Variants in CELF2 observed in about 807,000 individuals in gnomAD.
CELF2 encodes the protein CUGBP Elav-like family member 2, also known as CUG triplet repeat RNA-binding protein 2.
In CELF2, 8 loss-of-function variants were observed where a neutral mutation model predicts 62.6. The observed-to-expected ratio is 0.13, with a 90% CI of 0.07 to 0.23. The LOEUF (loss-of-function observed/expected upper bound fraction) is 0.23, where lower values mean the gene tolerates loss of function less well. Among genes scored for constraint, CELF2 ranks in the 10% least tolerant of loss-of-function variants. The probability of loss-of-function intolerance (pLI) is 1.00; values close to 1 mark genes in which losing one functional copy is unlikely to be tolerated. For missense variants in CELF2, 333 were observed against 671.0 expected (o/e 0.50, Z 5.56); for synonymous variants, 258 against 250.0 (o/e 1.03, Z -0.30).
chr10:10,519,063 A>G, the CELF2 span, among the ~76,000 whole-genome samples: 2 of 152,216 alleles, frequency 1.3e-5, no homozygotes, highest in Admixed American at 6.5e-5. Flanking sequence ...TATGAATAAC[A>G]ATCTGAGGAC....
At chr10:10,722,459 G>A in the CELF2 span, among the ~76,000 whole-genome samples, 2 of 152,158 alleles carry the variant, frequency 1.3e-5, no homozygotes, top group Admixed American at 6.5e-5. Context: ...AAATAGCCTT[G>A]TTCCCTAAAA....
chr10:10,701,484 G>C, the CELF2 span, among the ~76,000 whole-genome samples: 1 of 152,236 alleles, frequency 6.6e-6, no homozygotes, highest in African/African-American at 2.4e-5. Context: ...GCAACTGTAA[G>C]TCTTGGTTAC....
In CELF2 at chr10:11,214,190, G is replaced by A. The variant is rs1219700324; in HGVS notation, c.272-3235G>A. ...TCCCAGGTACTCAGGGAAGGGGCAG[G>A]AGAACCACTTGAGCCAAGGAGTTCA... On this transcript the variant is annotated intron_variant, in intron 2 of 12. Transcript: ENST00000633077. The surrounding 1 kb of genome is among the most constrained non-coding windows in gnomAD (Gnocchi z 4.2). Among the ~76,000 whole-genome samples, 1 of 152,156 alleles carries A rather than the reference G, an allele frequency of 6.6e-6. No individual in the cohort carries two copies. Among genetic ancestry groups the A allele is most frequent in the Non-Finnish European group, 1.5e-5 (1 of 68,026 alleles).
At chr10:10,942,279 G>A (rs1367195260) in intron 2 of CELF2, among the ~76,000 whole-genome samples, 1 of 152,190 alleles carries the variant, frequency 6.6e-6, no homozygotes, top group Non-Finnish European at 1.5e-5. Context: ...TCAGGAAATT[G>A]GGCACAGCTT....
At chr10:10,471,102 C>T in the CELF2 span, among the ~76,000 whole-genome samples, 4 of 151,142 alleles carry the variant, frequency 2.6e-5, no homozygotes, top group Non-Finnish European at 4.4e-5. Flanking sequence ...TTAATTTAAT[C>T]GCATTTATCA....
intron 1 of CELF2, among the ~76,000 whole-genome samples, chr10:11,053,592 G>A (rs527951644): frequency 1.0e-4 from 15 of 148,836 alleles, no homozygotes; most frequent in South Asian, 2.1e-4. Flanking sequence ...TTGGGCATTC[G>A]TAGGCATACT....
intron 1 of CELF2, among the ~76,000 whole-genome samples, chr10:11,070,570 T>C (rs2069597014): frequency 6.6e-6 from 1 of 152,170 alleles, no homozygotes; most frequent in African/African-American, 2.4e-5. Flanking sequence ...TTCATCTGCA[T>C]GTAGTTCAGG....
the CELF2 span, among the ~76,000 whole-genome samples, chr10:10,729,713 AG>A: frequency 1.3e-5 from 2 of 152,076 alleles, no homozygotes. Context: ...TGGGAGGCGG[AG>A]GGTGCAGTAA....
chr10:11,181,093 C>T (rs2073211893), intron 2 of CELF2, among the ~76,000 whole-genome samples: 3 of 152,220 alleles, frequency 2.0e-5, no homozygotes, highest in African/African-American at 7.2e-5. Flanking sequence ...TGGTCTCAAA[C>T]TCCTGACCTC....
At chr10:10,775,818 C>T in the CELF2 span, among the ~76,000 whole-genome samples, 4 of 152,268 alleles carry the variant, frequency 2.6e-5, no homozygotes, top group African/African-American at 7.2e-5. Flanking sequence ...TTTCCATGTA[C>T]GTCTGCTTTA....
chr10:10,497,882 T>C, the CELF2 span, among the ~76,000 whole-genome samples: 2 of 152,210 alleles, frequency 1.3e-5, no homozygotes, highest in Non-Finnish European at 2.9e-5. Context: ...CAATTTAACA[T>C]CTTCACTCTG....
intron 3 of CELF2, among the ~76,000 whole-genome samples, chr10:11,239,047 C>T (rs1589627652): frequency 6.6e-6 from 1 of 152,108 alleles, no homozygotes; most frequent in East Asian, 1.9e-4. Context: ...TGCCAAGTTA[C>T]AGATGGGGTT....
chr10:10,948,747 A>G (rs968982980), intron 2 of CELF2, among the ~76,000 whole-genome samples: 3 of 152,120 alleles, frequency 2.0e-5, no homozygotes, highest in Admixed American at 6.5e-5. Flanking sequence ...TCCCTAAGAC[A>G]GGCAGACCCT....
the CELF2 span, among the ~76,000 whole-genome samples, chr10:10,567,254 C>T: frequency 0.12 from 18,415 of 152,162 alleles, 3,141 homozygotes; most frequent in African/African-American, 0.38. Flanking sequence ...ACTAGAGAAT[C>T]GTGTTACACT....
intron 2 of CELF2, among the ~76,000 whole-genome samples, chr10:10,967,981 A>G (rs1004879673): frequency 6.6e-6 from 1 of 152,092 alleles, no homozygotes; most frequent in African/African-American, 2.4e-5. Flanking sequence ...AAAAAATGTA[A>G]GTTATTAAAA....
intron 1 of CELF2, among the ~76,000 whole-genome samples, chr10:10,886,917 G>A (rs2061788606): frequency 6.6e-6 from 1 of 152,310 alleles, no homozygotes; most frequent in South Asian, 2.1e-4. Context: ...GCAAGGGACA[G>A]TCACAGAAAT....
At chr10:11,163,348 A>G (rs567663041) in intron 1 of CELF2, among the ~76,000 whole-genome samples, 2 of 152,270 alleles carry the variant, frequency 1.3e-5, no homozygotes, top group South Asian at 4.1e-4. Context: ...AGCAGTAACC[A>G]CAAGTCTTTC....
rs1593954776 is a variant in CELF2, at chr10:11,046,392, G to T, written c.74+28229G>T. Among the ~76,000 whole-genome samples, 1 of 152,220 alleles carries T rather than the reference G, an allele frequency of 6.6e-6. No homozygotes were observed. Among genetic ancestry groups the T allele is most frequent in the African/African-American group, 2.4e-5 (1 of 41,466 alleles). On this transcript the variant is annotated intron_variant, in intron 1 of 12. Coordinates refer to ENST00000633077, the MANE Select transcript of CELF2 (RefSeq NM_001326342.2). The surrounding 1 kb of genome is among the most constrained non-coding windows in gnomAD (Gnocchi z 4.6). ...CCTAGACGACTTGGCCCAGAGTTGG[G>T]CACAGAGTATGCCCTCAATAAGTAC... is the stretch of plus-strand genomic sequence containing the variant.
chr10:11,327,360 AAC>A (rs1483531380), intron 12 of CELF2, among the ~76,000 whole-genome samples: 3 of 152,192 alleles, frequency 2.0e-5, no homozygotes, highest in African/African-American at 7.2e-5. Context: ...CTTCCTTGAA[AAC>A]AGATTGTTTA....
Sources: allele counts gnomAD v4.1 joint callset (sites outside exome capture counted in the v4.1 genomes callset), GRCh38; gene constraint gnomAD v4.1.1; non-coding constraint Gnocchi (gnomAD v3.1); transcripts MANE v1.5; gene names NCBI Gene and HGNC (gene_info 2026-07-23, HGNC 2026-07-21).